Variants in TMEM131L observed in about 807,000 individuals in gnomAD.
TMEM131L encodes the protein transmembrane 131 like.
A neutral mutation model predicts 192.2 loss-of-function variants in TMEM131L; 54 were observed. The ratio of observed to expected loss-of-function variants is 0.28; its 90% CI spans 0.23 to 0.35. TMEM131L has a LOEUF of 0.35. Ranked by LOEUF, TMEM131L falls within the 10% of genes least tolerant of loss-of-function variation. The pLI is 1.00. For synonymous variants in TMEM131L, 701 were observed against 704.9 expected, an observed-to-expected ratio of 0.99 and a Z score of 0.09; for missense variants, 1,888 against 1,972.9, an observed-to-expected ratio of 0.96 and a Z score of 0.82.
At chr4:153,623,281 C>T (rs1005783303) in intron 29 of TMEM131L, among the ~76,000 whole-genome samples, 198 bp downstream of exon 29, 2 of 152,136 alleles carry the variant, frequency 1.3e-5, no homozygotes, top group African/African-American at 4.8e-5. Context: ...TCATAATCAT[C>T]ATCATTGTTT....
Position 153,573,519 on chromosome 4 carries a change from A to T in TMEM131L, c.661-7307A>T, listed in dbSNP as rs553758757. Among the ~76,000 whole-genome samples, 6 of 152,362 alleles carry T rather than the reference A, an allele frequency of 3.9e-5. No homozygotes were observed. The East Asian group carries it at 1.2e-3, about 29-fold the overall frequency. ...GTGAAAATCCCACATGGCTCTGCTG[A>T]AGCTGCCAGCCCAGGTTGTAATAGT... On this transcript the variant is annotated intron_variant, in intron 7 of 34. Transcript: ENST00000409959.
At chr4:153,548,686 AAG>A (rs1337942239) in intron 3 of TMEM131L, among the ~76,000 whole-genome samples, 2 of 152,216 alleles carry the variant, frequency 1.3e-5, no homozygotes, top group African/African-American at 4.8e-5. Context: ...AGGATAGAGA[AAG>A]AGAAGCTTAG....
At position 153,599,571 on chromosome 4, in the gene TMEM131L, A is replaced by G. The variant is rs546044412; in HGVS notation, c.2266+839A>G. Among the ~76,000 whole-genome samples, 23 of 152,376 alleles carry G rather than the reference A, an allele frequency of 1.5e-4. No homozygotes were observed. In the South Asian group the frequency reaches 4.8e-3, roughly 32 times the overall value. On this transcript the variant is annotated intron_variant, in intron 21 of 34. Transcript: ENST00000409959. ...GATTGTGTAATTGCTAAATTATCAG[A>G]GTACTGTTAAATATTTAAAATAAAT...
intron 28 of TMEM131L, among the ~76,000 whole-genome samples, chr4:153,622,363 A>G (rs1421870664): frequency 1.3e-5 from 2 of 152,132 alleles, no homozygotes; most frequent in African/African-American, 2.4e-5. Flanking sequence ...AACCCTCCCA[A>G]CCAACACCCA....
intron 29 of TMEM131L, among the ~76,000 whole-genome samples, chr4:153,625,330 G>A (rs916720368): frequency 1.3e-5 from 2 of 151,726 alleles, no homozygotes; most frequent in Non-Finnish European, 2.9e-5. Flanking sequence ...GGCGGAGGTT[G>A]CAGTGAGCCG....
intron 3 of TMEM131L, among the ~76,000 whole-genome samples, chr4:153,544,451 T>TC (rs1245326649): frequency 1.3e-5 from 2 of 152,198 alleles, no homozygotes; most frequent in Admixed American, 1.3e-4. Flanking sequence ...AGCAAAGCCT[T>TC]CCTGGGTAGC....
At chr4:153,550,002 C>CT (rs1181270978) in intron 3 of TMEM131L, 71 bp from the exon 4 acceptor site, 5 of 683,840 alleles carry the variant, frequency 7.3e-6, no homozygotes, top group Non-Finnish European at 1.2e-5. Context: ...AGTCATTAGT[C>CT]TAAGTACGTT....
chr4:153,602,732 A>C lies in TMEM131L; in HGVS notation c.2639+5A>C. The C allele has an allele frequency of 1.2e-6, 2 of 1,613,460 alleles. No homozygotes were observed. Among genetic ancestry groups the C allele is most frequent in the African/African-American group, 2.7e-5 (2 of 74,994 alleles). On this transcript the variant is annotated splice_donor_5th_base_variant and intron_variant, in intron 23 of 34. Coordinates refer to ENST00000409959, the MANE Select transcript of TMEM131L (RefSeq NM_001131007.2). ...GCTCACGGTCTTCTTTGTCAGGTAA[A>C]CCACTACTGTCTCCCTTGTTCTCTC...
At chr4:153,623,900 C>CT (rs55968757) in intron 29 of TMEM131L, among the ~76,000 whole-genome samples, 13,132 of 145,128 alleles carry the variant, frequency 0.09, 809 homozygotes, top group East Asian at 0.31. Flanking sequence ...GCCATATTTG[C>CT]TTTTTTTTTT....
intron 26 of TMEM131L, among the ~76,000 whole-genome samples, chr4:153,616,111 G>C (rs1732957139): frequency 6.6e-6 from 1 of 152,088 alleles, no homozygotes; most frequent in Non-Finnish European, 1.5e-5. Flanking sequence ...ACCTGTGTAG[G>C]ACAGACGTCT....
At chr4:153,508,326 G>C (rs1344196417) in intron 3 of TMEM131L, among the ~76,000 whole-genome samples, 1 of 152,156 alleles carries the variant, frequency 6.6e-6, no homozygotes, top group Non-Finnish European at 1.5e-5. Context: ...GTTTGAGCCA[G>C]GATGACCAAA....
intron 15 of TMEM131L, among the ~76,000 whole-genome samples, chr4:153,588,284 G>GTTTTTTTTTTTTTT (rs199992048): frequency 7.6e-6 from 1 of 130,758 alleles, no homozygotes; most frequent in Non-Finnish European, 1.7e-5. Flanking sequence ...TTTTTTTTTT[G>GTTTTTTTTTTTTTT]TTTTTTTTGT....
At chr4:153,570,060 A>C (rs1284392517) in intron 7 of TMEM131L, among the ~76,000 whole-genome samples, 1 of 151,834 alleles carries the variant, frequency 6.6e-6, no homozygotes, top group Non-Finnish European at 1.5e-5. Context: ...GCCTCTGTGC[A>C]GCTGGGGAAC....
At chr4:153,549,936 T>G (rs1192187771) in intron 3 of TMEM131L, 137 bp from the exon 4 acceptor site, 3 of 432,992 alleles carry the variant, frequency 6.9e-6, no homozygotes, top group Non-Finnish European at 1.3e-5. Flanking sequence ...CTTCTAATAG[T>G]TCAATTTTAT....
chr4:153,583,012 A>G (rs979781648), intron 9 of TMEM131L, among the ~76,000 whole-genome samples, 178 bp from the exon 10 acceptor site: 1 of 145,766 alleles, frequency 6.9e-6, no homozygotes, highest in South Asian at 2.1e-4. Flanking sequence ...ATTAAAAAAG[A>G]AAAAAAAAAA....
At chr4:153,619,289 G>T (rs1176513382) in intron 26 of TMEM131L, among the ~76,000 whole-genome samples, 1 of 152,124 alleles carries the variant, frequency 6.6e-6, no homozygotes, top group African/African-American at 2.4e-5. Flanking sequence ...TTGAGTGGAC[G>T]GGGGTGGGAA....
Position 153,626,155 on chromosome 4 carries a change from G to A in TMEM131L, c.4054G>A (p.Val1352Ile), listed in dbSNP as rs1159088073. 6.2e-7 allele frequency: 1 copy of A among 1,607,830 alleles called. No individual in the cohort carries two copies. Among genetic ancestry groups the A allele is most frequent in the Middle Eastern group, 1.7e-4 (1 of 6,050 alleles). The stretch of plus-strand genomic sequence containing the variant: ...TGTTTCTTTTAATGCAGGAGACAGT[G>A]TTTCACAAAATGATTTTCCTTCTGA... ...AQHFLPAGDS[V>I]SQNDFPSEAP... is the part of the protein sequence containing the mutation. The change falls in exon 30 of 35, where the codon GTT becomes ATT. Residue 1352 changes from valine (V) to isoleucine (I), a missense_variant. Coordinates refer to ENST00000409959, the MANE Select transcript of TMEM131L (RefSeq NM_001131007.2).
intron 3 of TMEM131L, among the ~76,000 whole-genome samples, chr4:153,547,420 T>C (rs1737265013): frequency 6.6e-6 from 1 of 152,246 alleles, no homozygotes. Flanking sequence ...ATATTGACTT[T>C]AAGCTCAATC....
At chr4:153,610,762 C>G (rs775174462) in intron 25 of TMEM131L, among the ~76,000 whole-genome samples, 12 of 152,134 alleles carry the variant, frequency 7.9e-5, no homozygotes, top group Non-Finnish European at 1.3e-4. Context: ...GGGTGAGAGA[C>G]CTGCCCTGCC....
Sources: gnomAD v4.1 joint callset for allele counts (sites outside exome capture counted in the v4.1 genomes callset) on GRCh38, gnomAD v4.1.1 for gene constraint, MANE v1.5 for transcripts, NCBI Gene and HGNC (gene_info 2026-07-23, HGNC 2026-07-21) for gene names.